DPP10: variants seen among roughly 807,000 people sequenced by gnomAD.
DPP10 encodes inactive dipeptidyl peptidase 10.
A neutral mutation model predicts 120.9 loss-of-function variants in DPP10; 33 were observed. The observed-to-expected ratio is 0.27, with a 90% CI of 0.21 to 0.37. The LOEUF (loss-of-function observed/expected upper bound fraction) is 0.37, where lower values mean the gene tolerates loss of function less well. Among genes scored for constraint, DPP10 ranks in the 10% least tolerant of loss-of-function variants. The pLI is 1.00. For synonymous variants in DPP10, 337 were observed against 326.1 expected (o/e 1.03, Z -0.36); for missense variants, 816 against 942.8 (o/e 0.87, Z 1.76).
intron 1 of DPP10, among the ~76,000 whole-genome samples, chr2:115,301,959 A>T (rs1396711506): frequency 6.6e-6 from 1 of 152,036 alleles, no homozygotes; most frequent in Non-Finnish European, 1.5e-5. Context: ...TACTATAAAT[A>T]ACTATCTGAC....
chr2:115,025,635 T>G (rs10153612), intron 1 of DPP10, among the ~76,000 whole-genome samples: 3,572 of 152,210 alleles, frequency 0.023, 139 homozygotes, highest in African/African-American at 0.083. Flanking sequence ...GTGTACCAGG[T>G]TTCCCCTTCC....
intron 1 of DPP10, among the ~76,000 whole-genome samples, chr2:114,811,096 T>C (rs1211480421): frequency 6.6e-6 from 1 of 152,132 alleles, no homozygotes; most frequent in East Asian, 1.9e-4. Flanking sequence ...ATCAAATGCT[T>C]TGCAGCCTGG....
chr2:115,718,030 C>T (rs1240318525), intron 7 of DPP10, among the ~76,000 whole-genome samples: 3 of 151,856 alleles, frequency 2.0e-5, no homozygotes, highest in African/African-American at 7.3e-5. Flanking sequence ...ACTAGGTAGC[C>T]GGTATAGAGA....
At chr2:115,837,176 A>G (rs1410759705) in intron 24 of DPP10, among the ~76,000 whole-genome samples, 1 of 152,216 alleles carries the variant, frequency 6.6e-6, no homozygotes, top group Non-Finnish European at 1.5e-5. Flanking sequence ...AAAAGCTGCA[A>G]GCACTGACAT....
chr2:115,292,665 C>G (rs2060707765), intron 1 of DPP10, among the ~76,000 whole-genome samples: 2 of 152,102 alleles, frequency 1.3e-5, no homozygotes, highest in Non-Finnish European at 2.9e-5. Context: ...GGAGCATACT[C>G]TCAGTACATC....
At chr2:115,527,549 T>A (rs2078206688) in intron 5 of DPP10, among the ~76,000 whole-genome samples, 1 of 152,110 alleles carries the variant, frequency 6.6e-6, no homozygotes, top group Non-Finnish European at 1.5e-5. Flanking sequence ...GACCCTGTTT[T>A]CAGGCTAAAA....
At chr2:114,921,627 A>G (rs1277733662) in intron 1 of DPP10, among the ~76,000 whole-genome samples, 4 of 152,214 alleles carry the variant, frequency 2.6e-5, no homozygotes, top group Non-Finnish European at 5.9e-5. Flanking sequence ...AAATTCTCTT[A>G]AGGGTTGTAT....
chr2:114,648,171 G>A (rs1403397283), intron 1 of DPP10, among the ~76,000 whole-genome samples: 5 of 152,002 alleles, frequency 3.3e-5, no homozygotes, highest in Admixed American at 6.6e-5. Context: ...TCCCACTCTC[G>A]TCCTCCCCAT....
intron 1 of DPP10, among the ~76,000 whole-genome samples, chr2:114,520,473 G>A (rs1050135137): frequency 6.6e-6 from 1 of 152,172 alleles, no homozygotes; most frequent in Non-Finnish European, 1.5e-5. Context: ...CAAATTGACA[G>A]CAGATAAAGT....
chr2:115,057,750 G>A (rs1027022246), intron 1 of DPP10, among the ~76,000 whole-genome samples: 3 of 152,114 alleles, frequency 2.0e-5, no homozygotes, highest in Admixed American at 2.0e-4. Flanking sequence ...AATAGATAAC[G>A]GGTGTAAATA....
intron 5 of DPP10, among the ~76,000 whole-genome samples, chr2:115,628,792 GT>G (rs1278068954): frequency 1.3e-5 from 2 of 150,540 alleles, no homozygotes; most frequent in Non-Finnish European, 3.0e-5. Flanking sequence ...TTTAGTTTTT[GT>G]TTTTTTTCTA....
chr2:115,461,820 G>A (rs1228675181), intron 3 of DPP10, among the ~76,000 whole-genome samples: 3 of 151,904 alleles, frequency 2.0e-5, no homozygotes, highest in African/African-American at 7.3e-5. Flanking sequence ...TTTTCCCTTT[G>A]TTCCGATGTT....
chr2:115,108,658 T>A (rs908879201), intron 1 of DPP10, among the ~76,000 whole-genome samples: 2 of 152,290 alleles, frequency 1.3e-5, no homozygotes, highest in Admixed American at 6.5e-5. Context: ...AAAAAAAAAT[T>A]TAAATTGAAT....
intron 1 of DPP10, among the ~76,000 whole-genome samples, chr2:115,040,286 G>A (rs950244303): frequency 3.3e-5 from 5 of 151,724 alleles, no homozygotes; most frequent in African/African-American, 1.2e-4. Context: ...TGTAGACATG[G>A]TCATCTGTGG....
chr2:115,836,896 G>GA, intron 24 of DPP10, 150 bp downstream of exon 24: 3 of 657,684 alleles, frequency 4.6e-6, no homozygotes, highest in Non-Finnish European at 7.6e-6. Flanking sequence ...TAGAAGGTGG[G>GA]AAAAAAGAAT....
At chr2:115,363,153 T>C (rs993234117) in intron 3 of DPP10, among the ~76,000 whole-genome samples, 9 of 152,214 alleles carry the variant, frequency 5.9e-5, no homozygotes, top group African/African-American at 2.2e-4. Flanking sequence ...ACCTAGTTAA[T>C]GTGTGTATAT....
At chr2:115,475,348 G>A (rs2075007656) in intron 3 of DPP10, among the ~76,000 whole-genome samples, 1 of 152,176 alleles carries the variant, frequency 6.6e-6, no homozygotes, top group African/African-American at 2.4e-5. Flanking sequence ...AAGTATTGGT[G>A]GCTTCCAAGT....
chr2:114,528,665 A>C (rs1304338745), intron 1 of DPP10, among the ~76,000 whole-genome samples: 1 of 151,020 alleles, frequency 6.6e-6, no homozygotes, highest in Non-Finnish European at 1.5e-5. Flanking sequence ...CATTCATACT[A>C]GATGGTCTTG....
chr2:115,054,516 A>G (rs1705746102), intron 1 of DPP10, among the ~76,000 whole-genome samples: 1 of 152,246 alleles, frequency 6.6e-6, no homozygotes, highest in Non-Finnish European at 1.5e-5. Context: ...AGTTTCTTGT[A>G]GCAACCTTAG....
Sources: gnomAD v4.1 joint callset for allele counts (sites outside exome capture counted in the v4.1 genomes callset) on GRCh38, gnomAD v4.1.1 for gene constraint, MANE v1.5 for transcripts, NCBI Gene and HGNC (gene_info 2026-07-23, HGNC 2026-07-21) for gene names.